Variants in ADCY4 observed in about 807,000 individuals in gnomAD.
ADCY4 encodes adenylate cyclase 4, also known as adenylate cyclase type 4.
In ADCY4, 111 loss-of-function variants were observed where a neutral mutation model predicts 125.5. The ratio of observed to expected loss-of-function variants is 0.88; its 90% CI spans 0.76 to 1.04. The LOEUF (loss-of-function observed/expected upper bound fraction) is 1.04. Ranked by LOEUF, ADCY4 falls within the 50% of genes least tolerant of loss-of-function variation. The pLI, the probability that ADCY4 is intolerant of heterozygous loss-of-function variation, is 0.00. For synonymous variants in ADCY4, 576 were observed against 586.9 expected, an observed-to-expected ratio of 0.98 and a Z score of 0.27; for missense variants, 1,256 against 1,382.9, an observed-to-expected ratio of 0.91 and a Z score of 1.46.
At chr14:24,322,872 G>T (rs748858633) in intron 18 of ADCY4, 32 bp downstream of exon 18, 3 of 1,562,748 alleles carry the variant, frequency 1.9e-6, no homozygotes, top group Non-Finnish European at 2.6e-6. Flanking sequence ...ATCCCAGGGG[G>T]CCCGGCACCT....
rs200813601 is a variant in ADCY4 at position 24,322,991 on chromosome 14, G to A, written c.2255C>T (p.Ala752Val). The A allele has an allele frequency of 6.7e-5, 108 of 1,612,118 alleles. No individual in the cohort carries two copies. The African/African-American group carries it at 1.2e-3, about 18-fold the overall frequency. ...LKLLLLLLWL[A>V]ASCSLFLHSH... ...GTGCAGGAAGAGGGAGCAGGATGCC[G>A]CCAGCCACAGCAGGAGCAGCAGCAG... The change falls in exon 18 of 25, where the codon GCG (alanine) becomes GTG (valine). Residue 752 changes from alanine to valine, a missense_variant. By Grantham distance (64) the Ala-to-Val change is moderately conservative. Coordinates refer to ENST00000418030, the MANE Select transcript of ADCY4 (RefSeq NM_001198568.2).
chr14:24,329,094 T>A lies in ADCY4; in HGVS notation c.1491A>T (p.Gly497=), dbSNP rs926934276. The A allele has an allele frequency of 1.1e-5, 17 of 1,613,692 alleles. No individual in the cohort carries two copies. Among genetic ancestry groups the A allele is most frequent in the Non-Finnish European group, 1.4e-5 (16 of 1,179,874 alleles). Residue 497 remains glycine (G), a synonymous_variant, in exon 10 of 25, where the codon GGA becomes GGT. Coordinates refer to ENST00000418030, the MANE Select transcript of ADCY4 (RefSeq NM_001198568.2). ...AAKPFAHLSH[G]DSPVSTSTPL... The stretch of plus-strand genomic sequence containing the variant: ...GGGTGGAGGTGGACACAGGGCTGTC[T>A]CCGTGGCTCAGGTGGGCAAAAGGCT...
intron 5 of ADCY4, 21 bp from the exon 6 acceptor site, chr14:24,331,150 C>T (rs568533676): frequency 6.2e-7 from 1 of 1,612,872 alleles, no homozygotes; most frequent in South Asian, 1.1e-5. Context: ...CAGACTGTGT[C>T]AGCAGGGCCA....
intron 10 of ADCY4, 131 bp downstream of exon 10, chr14:24,328,930 G>A (rs755873851): frequency 1.2e-5 from 14 of 1,203,710 alleles, no homozygotes; most frequent in African/African-American, 4.6e-5. Context: ...AAGACAGTTC[G>A]GGACTTTGGG....
chr14:24,326,352 G>A lies in ADCY4; in HGVS notation c.1525-10C>T. 1 of 1,609,478 alleles carries A rather than the reference G, an allele frequency of 6.2e-7. No individual in the cohort carries two copies. Among genetic ancestry groups the A allele is most frequent in the East Asian group, 2.2e-5 (1 of 44,468 alleles). On this transcript the variant is annotated splice_polypyrimidine_tract_variant and intron_variant, in intron 10 of 24. Transcript: ENST00000418030. ...AAGCCAGGGTCTTCTCCTGTTGGGA[G>A]AGCACAGGGGGAGGTGGGCATGGTG...
At position 24,322,932 on chromosome 14, in the gene ADCY4, G is replaced by A. The variant is rs147949610; in HGVS notation, c.2314C>T (p.Arg772Cys). Residue 772 changes from arginine to cysteine, a missense_variant, in exon 18 of 25, where the codon CGC becomes TGC. By Grantham distance (180) the Arg-to-Cys change is radical (BLOSUM62 -3). Coordinates refer to ENST00000418030, the MANE Select transcript of ADCY4 (RefSeq NM_001198568.2). Reference sequence around the variant, plus strand: ...GAGTCCAAGGGGCCCAGATAGAGGCGGACGATGAGGCATTCCGACAGCCAG... The same window carrying A: ...GAGTCCAAGGGGCCCAGATAGAGGCAGACGATGAGGCATTCCGACAGCCAG... ...HAWLSECLIVRLYLGPLDSRP... is the reference protein window; with the variant it reads ...HAWLSECLIVCLYLGPLDSRP... The A allele has an allele frequency of 4.2e-5, 68 of 1,608,932 alleles. No homozygotes were observed. Among genetic ancestry groups the A allele is most frequent in the African/African-American group, 4.1e-4 (31 of 75,010 alleles).
Position 24,323,403 on chromosome 14 carries a change from A to G in ADCY4, c.2098T>C (p.Ser700Pro). The G allele has an allele frequency of 3.2e-6, 5 of 1,557,734 alleles. No individual in the cohort carries two copies. The highest frequency in any genetic ancestry group is 1.4e-5 in the African/African-American group (1 of 73,480). ...DCPFQAPNVS[S>P]MISNLSWELP... ...TCCCAGGAGAGGTTGGAAATCATGG[A>G]GGACACATTGGGAGCTTGGAAAGGG... Residue 700 changes from serine (S) to proline (P), a missense_variant, in exon 17 of 25, where the codon TCC (serine) becomes CCC (proline). Coordinates refer to ENST00000418030, the MANE Select transcript of ADCY4 (RefSeq NM_001198568.2).
At chr14:24,326,540 T>G in intron 10 of ADCY4, 198 bp from the exon 11 acceptor site, 10 of 600,596 alleles carry the variant, frequency 1.7e-5, no homozygotes, top group East Asian at 3.0e-5. Context: ...TCCTTAAAGT[T>G]TCCCCCTGAC....
chr14:24,334,591 T>C lies in ADCY4; in HGVS notation c.62A>G (p.Tyr21Cys). 1.3e-6 allele frequency: 2 copies of C among 1,571,524 alleles called. No individual in the cohort carries two copies. The highest frequency in any genetic ancestry group is 2.3e-5 in the South Asian group (2 of 86,362). ...CAGCGGGTACTGCTGGCTCAGGCTG[T>C]AGTAGGTCTCGTAGAAGAGGTCTTC... is the stretch of plus-strand genomic sequence containing the variant. ...PSEDLFYETY[Y>C]SLSQQYPLLL... Residue 21 changes from tyrosine to cysteine, a missense_variant, in exon 1 of 25, where the codon TAC becomes TGC. Coordinates refer to ENST00000418030, the MANE Select transcript of ADCY4 (RefSeq NM_001198568.2).
Position 24,319,288 on chromosome 14 carries a change from G to C in ADCY4, c.2841+41C>G, listed in dbSNP as rs751378155. The C allele has an allele frequency of 5.0e-6, 8 of 1,612,750 alleles. No individual in the cohort carries two copies. The highest frequency in any genetic ancestry group is 1.1e-5 in the South Asian group (1 of 91,038). On this transcript the variant is annotated intron_variant, in intron 22 of 24. Coordinates refer to ENST00000418030, the MANE Select transcript of ADCY4 (RefSeq NM_001198568.2). This position sits in a 1 kb window ranked among gnomAD's most constrained non-coding sequence, Gnocchi z 4.5. The stretch of plus-strand genomic sequence containing the variant: ...GTCCCACTAATAAGCCCATCAATGA[G>C]AGCCCAGAGGAGGATGGTAGGTAAG...
intron 10 of ADCY4, chr14:24,328,552 CT>C (rs1003077164): frequency 6.4e-6 from 1 of 156,476 alleles, no homozygotes; most frequent in Admixed American, 6.5e-5. Flanking sequence ...GAAGGGCCCC[CT>C]GTCCAGTGGA....
chr14:24,323,173 G>A, intron 17 of ADCY4, 85 bp from the exon 18 acceptor site: 1 of 1,502,778 alleles, frequency 6.7e-7, no homozygotes, highest in Non-Finnish European at 9.0e-7. Context: ...GTCCCTCCCA[G>A]GCCCAGGTCC....
In ADCY4 at chr14:24,335,068, C is replaced by T. The variant is rs2042111981; in HGVS notation, c.-416G>A. 6.3e-6 allele frequency: 1 copy of T among 158,904 alleles called. No homozygotes were observed. The highest frequency in any genetic ancestry group is 2.4e-5 in the African/African-American group (1 of 41,690). 9.8% of individuals were successfully genotyped at this position (158,904 alleles called of 1,614,324 possible). The stretch of plus-strand genomic sequence containing the variant: ...TGGCGGAGTCACGCTCGCCGCTGCG[C>T]TCTGGCTCAGAGTCCCGGGCGACAG... On this transcript the variant is annotated 5_prime_UTR_variant, in exon 1 of 25. Coordinates refer to ENST00000418030, the MANE Select transcript of ADCY4 (RefSeq NM_001198568.2).
chr14:24,323,532 C>T, intron 16 of ADCY4, 78 bp from the exon 17 acceptor site: 2 of 1,531,838 alleles, frequency 1.3e-6, no homozygotes, highest in South Asian at 1.2e-5. Flanking sequence ...TTCAGCTGAC[C>T]CAGGGATGAG....
Position 24,326,180 on chromosome 14 carries a change from C to T in ADCY4, c.1569-15G>A, listed in dbSNP as rs1239240765. The T allele has an allele frequency of 6.2e-7, 1 of 1,606,562 alleles. No individual in the cohort carries two copies. The highest frequency in any genetic ancestry group is 8.5e-7 in the Non-Finnish European group (1 of 1,174,784). On this transcript the variant is annotated splice_polypyrimidine_tract_variant and intron_variant, in intron 11 of 24. Coordinates refer to ENST00000418030, the MANE Select transcript of ADCY4 (RefSeq NM_001198568.2). ...GGGTACGGCTCCTGCACAGTGAGAG[C>T]CAAGTCCATCACCACAGAGACCCTC...
Position 24,329,140 on chromosome 14 carries a change from AGGTAACG to A in ADCY4, c.1438_1444del (p.Arg480TrpfsTer13). ...AGGCTTGGCTGCGCCCCAGGACTCC[AGGTAACG>A]GGTCATCAGCAGTGATGGACGCATC... is the stretch of plus-strand genomic sequence containing the variant. On this transcript the variant is annotated frameshift_variant, in exon 10 of 25. Transcript: ENST00000418030. LOFTEE classifies it high-confidence loss of function. 1.9e-6 allele frequency: 3 copies of A among 1,613,936 alleles called. No individual in the cohort carries two copies. The highest frequency in any genetic ancestry group is 2.5e-6 in the Non-Finnish European group (3 of 1,179,902).
At position 24,329,980 on chromosome 14, in the gene ADCY4, C is replaced by G. The variant is rs367759631; in HGVS notation, c.1097G>C (p.Arg366Pro). Reference sequence around the variant, plus strand: ...TACGCTGCCTGAGTGCACGCCCACACGCATGTTGATGTCCACGCCAGTGGC... The same window carrying G: ...TACGCTGCCTGAGTGCACGCCCACAGGCATGTTGATGTCCACGCCAGTGGC... ...RAATGVDINM[R>P]VGVHSGSVLC... The change falls in exon 8 of 25, where the codon CGT becomes CCT. Residue 366 changes from arginine to proline, a missense_variant. Coordinates refer to ENST00000418030, the MANE Select transcript of ADCY4 (RefSeq NM_001198568.2). 1.2e-6 allele frequency: 2 copies of G among 1,613,992 alleles called. No homozygotes were observed. Among genetic ancestry groups the G allele is most frequent in the Non-Finnish European group, 1.7e-6 (2 of 1,179,994 alleles).
chr14:24,328,235 G>GTT (rs71119071), intron 10 of ADCY4, among the ~76,000 whole-genome samples: 1 of 132,854 alleles, frequency 7.5e-6, no homozygotes, highest in South Asian at 2.5e-4. Context: ...GCGGGGTGGG[G>GTT]GGGGGGGTCT....
chr14:24,326,697 G>A (rs2041951865), intron 10 of ADCY4, among the ~76,000 whole-genome samples: 1 of 150,898 alleles, frequency 6.6e-6, no homozygotes, highest in African/African-American at 2.4e-5. Context: ...AGGTTCAACC[G>A]ATTTTCCTGC....
Sources: gnomAD v4.1 joint callset for allele counts (sites outside exome capture counted in the v4.1 genomes callset) on GRCh38, gnomAD v4.1.1 for gene constraint, Gnocchi (gnomAD v3.1) non-coding constraint, MANE v1.5 for transcripts, NCBI Gene and HGNC (gene_info 2026-07-23, HGNC 2026-07-21) for gene names.